Variants in TBC1D19 observed in about 807,000 individuals in gnomAD.
TBC1D19 encodes TBC1 domain family, member 19.
In TBC1D19, 60 loss-of-function variants were observed where a neutral mutation model predicts 89.0. The observed-to-expected ratio is 0.67, with a 90% CI of 0.55 to 0.84. The LOEUF is 0.84. Among genes scored for constraint, TBC1D19 ranks in the 40% least tolerant of loss-of-function variants. The pLI, the probability that TBC1D19 is intolerant of heterozygous loss-of-function variation, is 0.00. For missense variants in TBC1D19, 500 were observed against 610.8 expected (o/e 0.82, Z 1.91); for synonymous variants, 189 against 199.7 (o/e 0.95, Z 0.45).
intron 13 of TBC1D19, among the ~76,000 whole-genome samples, chr4:26,706,956 A>G (rs962792128): frequency 6.6e-6 from 1 of 152,000 alleles, no homozygotes; most frequent in Admixed American, 6.6e-5. Flanking sequence ...TATATGATCT[A>G]TCTGGAAAAT....
chr4:26,790,207 C>T, the TBC1D19 span, among the ~76,000 whole-genome samples: 6 of 152,140 alleles, frequency 3.9e-5, no homozygotes, highest in Non-Finnish European at 8.8e-5. Flanking sequence ...GGTGGTCCTC[C>T]GTACTCTCTC....
At chr4:26,613,987 G>T (rs1273841132) in intron 2 of TBC1D19, among the ~76,000 whole-genome samples, 3 of 152,070 alleles carry the variant, frequency 2.0e-5, no homozygotes, top group Non-Finnish European at 4.4e-5. Context: ...TGTCGTCCAG[G>T]ACTTTGCTGA....
At chr4:26,740,618 A>G (rs992606703) in intron 17 of TBC1D19, 24 of 981,118 alleles carry the variant, frequency 2.4e-5, no homozygotes, top group Non-Finnish European at 2.8e-5. Context: ...CTGTTCCTTT[A>G]TCATATCTTT....
the TBC1D19 span, among the ~76,000 whole-genome samples, chr4:26,853,948 G>A: frequency 1.3e-5 from 2 of 152,102 alleles, no homozygotes; most frequent in East Asian, 1.9e-4. Context: ...GTTTTCCTTC[G>A]TTTCCATATC....
At chr4:26,699,739 C>G (rs971168634) in intron 13 of TBC1D19, among the ~76,000 whole-genome samples, 1 of 152,032 alleles carries the variant, frequency 6.6e-6, no homozygotes, top group Non-Finnish European at 1.5e-5. Context: ...TGGAAACCAT[C>G]GTTCTCAGCA....
the TBC1D19 span, among the ~76,000 whole-genome samples, chr4:26,808,368 T>C: frequency 6.6e-6 from 1 of 152,180 alleles, no homozygotes; most frequent in East Asian, 1.9e-4. Context: ...TGCACAGTTA[T>C]GGAGCTAAGA....
At chr4:26,806,815 G>T in the TBC1D19 span, among the ~76,000 whole-genome samples, 1 of 152,336 alleles carries the variant, frequency 6.6e-6, no homozygotes, top group South Asian at 2.1e-4. Flanking sequence ...AAACTCGTCT[G>T]ACGGCAGAGG....
chr4:26,827,154 C>T, the TBC1D19 span, among the ~76,000 whole-genome samples: 1 of 152,216 alleles, frequency 6.6e-6, no homozygotes, highest in Non-Finnish European at 1.5e-5. Context: ...CCTTTCCTGG[C>T]TCCTTAACAC....
intron 13 of TBC1D19, among the ~76,000 whole-genome samples, chr4:26,692,329 G>T (rs923553071): frequency 5.3e-5 from 8 of 152,166 alleles, no homozygotes; most frequent in Non-Finnish European, 8.8e-5. Context: ...TGGCCCAAAA[G>T]CTCTGACTCC....
At chr4:26,808,336 G>T in the TBC1D19 span, among the ~76,000 whole-genome samples, 1 of 152,172 alleles carries the variant, frequency 6.6e-6, no homozygotes, top group Non-Finnish European at 1.5e-5. Flanking sequence ...CTCCCTCTGC[G>T]TAAGTAGATT....
the TBC1D19 span, among the ~76,000 whole-genome samples, chr4:26,823,866 G>A: frequency 1.1e-4 from 17 of 152,142 alleles, no homozygotes; most frequent in African/African-American, 3.1e-4. Context: ...CTTTGTTATG[G>A]TTTTTACCTC....
At chr4:26,720,593 T>G (rs1409124579) in intron 15 of TBC1D19, among the ~76,000 whole-genome samples, 1 of 152,176 alleles carries the variant, frequency 6.6e-6, no homozygotes, top group Non-Finnish European at 1.5e-5. Context: ...TGATCAAATA[T>G]ATAATGACCT....
intron 13 of TBC1D19, among the ~76,000 whole-genome samples, chr4:26,711,444 T>G (rs1268934457): frequency 6.6e-6 from 1 of 152,082 alleles, no homozygotes; most frequent in Non-Finnish European, 1.5e-5. Flanking sequence ...GATTGCCCAA[T>G]TTATATGTCA....
intron 1 of TBC1D19, among the ~76,000 whole-genome samples, chr4:26,604,829 A>G (rs1740873812): frequency 6.6e-6 from 1 of 151,916 alleles, no homozygotes; most frequent in Non-Finnish European, 1.5e-5. Flanking sequence ...TGCAGTGAGC[A>G]GAGATCATCG....
chr4:26,719,840 C>T (rs1483369824), intron 14 of TBC1D19, among the ~76,000 whole-genome samples: 1 of 151,990 alleles, frequency 6.6e-6, no homozygotes, highest in Non-Finnish European at 1.5e-5. Flanking sequence ...AGCGTTTGTT[C>T]TTTTGGTTGT....
At chr4:26,671,066 A>G (rs1484891929) in intron 9 of TBC1D19, among the ~76,000 whole-genome samples, 1 of 151,492 alleles carries the variant, frequency 6.6e-6, no homozygotes, top group African/African-American at 2.4e-5. Context: ...CTGAGAGTGG[A>G]TTGCTAATTA....
chr4:26,802,739 A>T, the TBC1D19 span, among the ~76,000 whole-genome samples: 230 of 152,356 alleles, frequency 1.5e-3, 3 homozygotes, highest in African/African-American at 5.2e-3. Context: ...TTTACAGGTG[A>T]TCATATTAAC....
chr4:26,585,655 C>T (rs1337176238), intron 1 of TBC1D19, among the ~76,000 whole-genome samples: 1 of 150,240 alleles, frequency 6.7e-6, no homozygotes, highest in Non-Finnish European at 1.5e-5. Flanking sequence ...GTGATCTCGG[C>T]TCACTACAAC....
chr4:26,785,903 G>A, the TBC1D19 span, among the ~76,000 whole-genome samples: 2 of 152,160 alleles, frequency 1.3e-5, no homozygotes, highest in Non-Finnish European at 2.9e-5. Flanking sequence ...CTCACCAGAG[G>A]CTTCCATTGT....
Sources: allele counts gnomAD v4.1 joint callset (sites outside exome capture counted in the v4.1 genomes callset), GRCh38; gene constraint gnomAD v4.1.1; transcripts MANE v1.5; gene names NCBI Gene and HGNC (gene_info 2026-07-23, HGNC 2026-07-21).